The following LRP1B variants were observed in gnomAD, a reference collection of about 807,000 sequenced individuals.
LRP1B encodes the protein low-density lipoprotein receptor-related protein 1B.
LRP1B carries 217 observed loss-of-function variants against 556.6 expected under a neutral mutation model. That is an observed-to-expected ratio of 0.39 (90% CI 0.35 to 0.44). The LOEUF (loss-of-function observed/expected upper bound fraction) is 0.44, where lower values mean the gene tolerates loss of function less well. Ranked by LOEUF, LRP1B falls within the 20% of genes least tolerant of loss-of-function variation. The pLI is 1.00. For synonymous variants in LRP1B, 2,047 were observed against 1,865.8 expected, an observed-to-expected ratio of 1.10 and a Z score of -2.50; for missense variants, 5,053 against 5,620.8, an observed-to-expected ratio of 0.90 and a Z score of 3.23.
chr2:140,384,646 T>C (rs1244712760), intron 67 of LRP1B, among the ~76,000 whole-genome samples: 1 of 152,210 alleles, frequency 6.6e-6, no homozygotes, highest in Non-Finnish European at 1.5e-5. Context: ...GTTTTGAAAG[T>C]TATCCAAAAC....
rs566775734 is a variant in LRP1B, at chr2:141,618,526, G to C, written c.206-137993C>G. Among the ~76,000 whole-genome samples, 6 of 152,214 alleles carry C rather than the reference G, an allele frequency of 3.9e-5. No homozygotes were observed. In the South Asian group the frequency reaches 1.2e-3, roughly 32 times the overall value. On this transcript the variant is annotated intron_variant, in intron 2 of 90. Transcript: ENST00000389484. The stretch of plus-strand genomic sequence containing the variant: ...CAGAGTTATAAATAAGCATTACTTT[G>C]AGAAAAATAAAAACTAAGTGCCATG...
intron 79 of LRP1B, 53 bp from the exon 80 acceptor site, chr2:140,325,931 C>T (rs1239128242): frequency 1.8e-6 from 2 of 1,118,134 alleles, no homozygotes; most frequent in African/African-American, 1.5e-5. Context: ...TGAAATCATT[C>T]AAAATCATAC....
chr2:140,982,641 G>A (rs552701956), intron 17 of LRP1B, among the ~76,000 whole-genome samples: 1 of 152,244 alleles, frequency 6.6e-6, no homozygotes, highest in African/African-American at 2.4e-5. Flanking sequence ...AAAGAATTGT[G>A]GATAGCATTT....
At chr2:140,405,861 C>G (rs1233411929) in intron 66 of LRP1B, among the ~76,000 whole-genome samples, 1 of 151,978 alleles carries the variant, frequency 6.6e-6, no homozygotes, top group African/African-American at 2.4e-5. Context: ...CCAGTATCAC[C>G]CTAATACCAA....
At chr2:141,431,075 G>A (rs1238116780) in intron 3 of LRP1B, among the ~76,000 whole-genome samples, 2 of 152,002 alleles carry the variant, frequency 1.3e-5, no homozygotes, top group African/African-American at 4.8e-5. Flanking sequence ...GGTTGAGGCT[G>A]CAGTGAGCTG....
Position 141,434,128 on chromosome 2 carries a change from T to C in LRP1B, c.343+46268A>G, listed in dbSNP as rs906517189. 1.4e-4 allele frequency among the ~76,000 whole-genome samples: 21 copies of C among 152,134 alleles called. 1 individual carries two copies. The highest frequency in any genetic ancestry group is 9.2e-4 in the Admixed American group (14 of 15,266). On this transcript the variant is annotated intron_variant, in intron 3 of 90. Transcript: ENST00000389484. Reference sequence around the variant, plus strand: ...TGCATTTCTTGGATGTATGTTAATGTTCTCCATAAAATTAGGGAAGCTTTC... The same window carrying C: ...TGCATTTCTTGGATGTATGTTAATGCTCTCCATAAAATTAGGGAAGCTTTC...
At chr2:140,510,138 G>A (rs1427657569) in intron 51 of LRP1B, 82 bp from the exon 52 acceptor site, 3 of 1,457,292 alleles carry the variant, frequency 2.1e-6, no homozygotes, top group African/African-American at 2.8e-5. Context: ...CTACAGTAAG[G>A]GGGGAAGCAG....
At chr2:140,261,073 T>C (rs1190187860) in intron 86 of LRP1B, among the ~76,000 whole-genome samples, 1 of 150,808 alleles carries the variant, frequency 6.6e-6, no homozygotes, top group East Asian at 1.9e-4. Flanking sequence ...ATATATAATA[T>C]ATATGATGAA....
chr2:140,696,072 A>T (rs1335539849), intron 41 of LRP1B, among the ~76,000 whole-genome samples: 2 of 152,342 alleles, frequency 1.3e-5, no homozygotes, highest in East Asian at 3.9e-4. Context: ...TACTTAAAAC[A>T]TGAATACTTA....
chr2:141,211,260 T>G (rs891211275), intron 6 of LRP1B, among the ~76,000 whole-genome samples: 3 of 149,434 alleles, frequency 2.0e-5, no homozygotes, highest in African/African-American at 7.4e-5. Context: ...AGTGCTGGGA[T>G]TATAAGCATG....
intron 66 of LRP1B, among the ~76,000 whole-genome samples, chr2:140,439,946 T>TTACTC (rs1163312376): frequency 1.3e-5 from 2 of 152,176 alleles, no homozygotes; most frequent in African/African-American, 4.8e-5. Flanking sequence ...ATGTGTTAAG[T>TTACTC]TACTCTGCTT....
chr2:141,067,149 G>T (rs1222286668), intron 7 of LRP1B, among the ~76,000 whole-genome samples: 1 of 151,866 alleles, frequency 6.6e-6, no homozygotes, highest in East Asian at 1.9e-4. Flanking sequence ...ACTTGAACAA[G>T]AAAGTAATTT....
intron 1 of LRP1B, among the ~76,000 whole-genome samples, chr2:141,990,149 A>G (rs1404604868): frequency 1.3e-5 from 2 of 152,098 alleles, no homozygotes; most frequent in Non-Finnish European, 2.9e-5. Flanking sequence ...AAATACAGAT[A>G]GCATCTGATA....
intron 84 of LRP1B, among the ~76,000 whole-genome samples, chr2:140,290,048 C>T (rs1683309710): frequency 6.6e-6 from 1 of 152,006 alleles, no homozygotes; most frequent in Admixed American, 6.6e-5. Context: ...TGCTCACATG[C>T]ATCCAAACTC....
intron 1 of LRP1B, among the ~76,000 whole-genome samples, chr2:141,917,778 CCTTTT>C (rs922652604): frequency 3.9e-5 from 6 of 152,156 alleles, no homozygotes; most frequent in Non-Finnish European, 5.9e-5. Flanking sequence ...CTTGCTTAAC[CCTTTT>C]CTTTAAATGG....
At position 141,222,418 on chromosome 2, in the gene LRP1B, A is replaced by G. The variant is rs185049064; in HGVS notation, c.850+6765T>C. ...CTACCAACCAAAAAACTGCAGGACC[A>G]GATGGATTTACAGCTGAATTCTACC... is the stretch of plus-strand genomic sequence containing the variant. On this transcript the variant is annotated intron_variant, in intron 6 of 90. Transcript: ENST00000389484. Among the ~76,000 whole-genome samples the G allele has an allele frequency of 7.7e-3, 1,167 of 152,308 alleles. 8 individuals carry two copies. The highest frequency in any genetic ancestry group is 0.014 in the Middle Eastern group (4 of 294).
rs146879702 is a variant in LRP1B at position 141,188,461 on chromosome 2, G to A, written c.973C>T (p.Leu325Phe). The A allele has an allele frequency of 8.2e-5, 133 of 1,612,450 alleles. 3 individuals carry two copies. The Middle Eastern group carries it at 3.0e-3, about 36-fold the overall frequency. Residue 325 changes from leucine (L) to phenylalanine (F), a missense_variant, in exon 7 of 91, where the codon CTT becomes TTT. By Grantham distance (22) the Leu-to-Phe change is conservative. This residue lies in a region of LRP1B where 3,619 missense variants were observed against 3,931.9 expected (regional missense o/e 0.92). Coordinates refer to ENST00000389484, the MANE Select transcript of LRP1B (RefSeq NM_018557.3). The part of the protein sequence containing the change: ...SVCVTLIDLE[L>F]HNPKAIAVDP... ...ACTGCTATTGCTTTAGGATTGTGAA[G>A]CTCCAGATCAATCAGGGTGACACAT...
intron 3 of LRP1B, among the ~76,000 whole-genome samples, chr2:141,270,374 ACT>A (rs1685043808): frequency 6.6e-6 from 1 of 152,110 alleles, no homozygotes; most frequent in Non-Finnish European, 1.5e-5. Flanking sequence ...TGGTGCAGCC[ACT>A]ATGGAAAACA....
intron 66 of LRP1B, among the ~76,000 whole-genome samples, chr2:140,413,705 T>C (rs76964566): frequency 0.14 from 21,644 of 152,164 alleles, 1,992 homozygotes; most frequent in East Asian, 0.32. Context: ...TTTGCAGAAA[T>C]ATTTATTCCA....
Sources: allele counts gnomAD v4.1 joint callset (sites outside exome capture counted in the v4.1 genomes callset), GRCh38; gene constraint gnomAD v4.1.1; regional missense constraint gnomAD v4.1.1; transcripts MANE v1.5; gene names NCBI Gene and HGNC (gene_info 2026-07-23, HGNC 2026-07-21).